Variants in PRKACB observed in about 807,000 individuals in gnomAD.
PRKACB encodes the protein cAMP-dependent protein kinase catalytic subunit beta.
PRKACB carries 16 observed loss-of-function variants against 51.4 expected under a neutral mutation model. The ratio of observed to expected loss-of-function variants is 0.31; its 90% CI spans 0.21 to 0.47. The LOEUF (loss-of-function observed/expected upper bound fraction) is 0.47. PRKACB is among the 20% of genes least tolerant of loss of function. The probability of loss-of-function intolerance (pLI) is 1.00; values close to 1 mark genes in which losing one functional copy is unlikely to be tolerated. For missense variants in PRKACB, 309 were observed against 464.5 expected, an observed-to-expected ratio of 0.67 and a Z score of 3.08; for synonymous variants, 147 against 154.4, an observed-to-expected ratio of 0.95 and a Z score of 0.35.
intron 1 of PRKACB, chr1:84,164,981 A>G: frequency 6.5e-7 from 1 of 1,546,036 alleles, no homozygotes; most frequent in Non-Finnish European, 8.7e-7. Context: ...TTTGAGCAAT[A>G]TGTTTTGGAA....
intron 1 of PRKACB, among the ~76,000 whole-genome samples, chr1:84,091,784 C>T (rs1342116854): frequency 2.6e-5 from 4 of 152,072 alleles, no homozygotes; most frequent in East Asian, 1.9e-4. Flanking sequence ...GGATTACAGG[C>T]GTAAGCCACC....
At chr1:84,132,091 G>C (rs1036424948) in intron 1 of PRKACB, among the ~76,000 whole-genome samples, 1 of 152,140 alleles carries the variant, frequency 6.6e-6, no homozygotes, top group East Asian at 1.9e-4. Context: ...GTCGGTTTCA[G>C]TGGGGGAAAA....
chr1:84,182,502 T>C (rs1663831357), intron 3 of PRKACB, among the ~76,000 whole-genome samples, 174 bp downstream of exon 3: 1 of 152,044 alleles, frequency 6.6e-6, no homozygotes, highest in African/African-American at 2.4e-5. Flanking sequence ...ATAGTTAGTA[T>C]ACAGTCAGCC....
intron 1 of PRKACB, among the ~76,000 whole-genome samples, chr1:84,122,906 T>G (rs1651208446): frequency 6.6e-6 from 1 of 152,202 alleles, no homozygotes; most frequent in Non-Finnish European, 1.5e-5. Flanking sequence ...CTTGTGTTTA[T>G]CTTATATTGC....
intron 1 of PRKACB, among the ~76,000 whole-genome samples, chr1:84,132,296 A>G (rs1213100967): frequency 6.6e-6 from 1 of 152,158 alleles, no homozygotes; most frequent in Non-Finnish European, 1.5e-5. Flanking sequence ...TTTCTGAGGA[A>G]TAGTACTGAG....
chr1:84,222,589 C>G (rs537834822), intron 9 of PRKACB, among the ~76,000 whole-genome samples: 1 of 152,032 alleles, frequency 6.6e-6, no homozygotes, highest in African/African-American at 2.4e-5. Flanking sequence ...TATGTGTCTG[C>G]CCTACCAGTG....
At chr1:84,128,167 C>T (rs1651821722) in intron 1 of PRKACB, among the ~76,000 whole-genome samples, 1 of 151,402 alleles carries the variant, frequency 6.6e-6, no homozygotes, top group South Asian at 2.1e-4. Flanking sequence ...CACCACCACG[C>T]CCAGCTAATT....
chr1:84,194,364 C>T (rs560107154), intron 5 of PRKACB, among the ~76,000 whole-genome samples: 1 of 152,298 alleles, frequency 6.6e-6, no homozygotes, highest in South Asian at 2.1e-4. Flanking sequence ...TGCCTTATCT[C>T]ATCTTTCACA....
chr1:84,095,419 A>C (rs933680928), intron 1 of PRKACB, among the ~76,000 whole-genome samples: 1 of 151,840 alleles, frequency 6.6e-6, no homozygotes, highest in African/African-American at 2.4e-5. Context: ...TAAGTATGGA[A>C]TTTTAGGTTG....
intron 7 of PRKACB, among the ~76,000 whole-genome samples, chr1:84,200,775 T>C (rs1431468708): frequency 6.6e-6 from 1 of 152,170 alleles, no homozygotes; most frequent in Non-Finnish European, 1.5e-5. Flanking sequence ...GTCAGCTTTG[T>C]CAAAGATCGG....
intron 5 of PRKACB, among the ~76,000 whole-genome samples, chr1:84,187,725 A>G (rs766075893): frequency 3.9e-5 from 6 of 152,152 alleles, no homozygotes; most frequent in Non-Finnish European, 8.8e-5. Flanking sequence ...ACAGTCTAAT[A>G]ACAGGTATAT....
chr1:84,181,767 T>G (rs1268926225), intron 2 of PRKACB: 2 of 1,391,550 alleles, frequency 1.4e-6, no homozygotes, highest in Non-Finnish European at 1.9e-6. Context: ...TCAGTTTATC[T>G]ATTCATTACA....
rs1676604514 is a variant in PRKACB at position 84,235,700 on chromosome 1, G to A, written c.*395G>A. On this transcript the variant is annotated 3_prime_UTR_variant, in exon 10 of 10. Coordinates refer to ENST00000370685, the MANE Select transcript of PRKACB (RefSeq NM_182948.4). Reference sequence around the variant, plus strand: ...GGAAGGATAAGTGTTGCTTTCAGTAGTTATTGCCAATATTGTTGTTGGTCA... The same window carrying A: ...GGAAGGATAAGTGTTGCTTTCAGTAATTATTGCCAATATTGTTGTTGGTCA... 1.3e-5 allele frequency: 2 copies of A among 156,952 alleles called. No individual in the cohort carries two copies. The highest frequency in any genetic ancestry group is 2.8e-5 in the Non-Finnish European group (2 of 71,180). 9.7% of individuals were successfully genotyped at this position (156,952 alleles called of 1,614,324 possible).
chr1:84,185,330 A>G, intron 5 of PRKACB, 148 bp downstream of exon 5: 1 of 482,748 alleles, frequency 2.1e-6, no homozygotes, highest in Non-Finnish European at 3.6e-6. Context: ...AGGCCACATC[A>G]TACACAAGTT....
intron 1 of PRKACB, among the ~76,000 whole-genome samples, chr1:84,112,001 A>G (rs181996828): frequency 2.0e-5 from 3 of 152,270 alleles, no homozygotes; most frequent in Non-Finnish European, 4.4e-5. Flanking sequence ...AATAATTACA[A>G]CTGTGTACTT....
In PRKACB at chr1:84,174,326, A is replaced by G. The variant is rs74475618; in HGVS notation, c.188-4851A>G. Among the ~76,000 whole-genome samples the G allele has an allele frequency of 3.2e-3, 482 of 151,930 alleles. 2 individuals are homozygous for G. The highest frequency in any genetic ancestry group is 0.011 in the African/African-American group (462 of 41,498). ...CTGCCAGAGGAATTCTTATCTTTCA[A>G]GATTCAGCACAAATGCTGTATTCTC... On this transcript the variant is annotated intron_variant, in intron 1 of 9. Coordinates refer to ENST00000370685, the MANE Select transcript of PRKACB (RefSeq NM_182948.4).
intron 1 of PRKACB, among the ~76,000 whole-genome samples, chr1:84,115,378 T>C (rs1650548626): frequency 1.3e-5 from 2 of 152,098 alleles, no homozygotes; most frequent in South Asian, 4.1e-4. Flanking sequence ...GGGATTATGT[T>C]TTTCCTATTA....
At chr1:84,158,919 A>G (rs998712003) in intron 1 of PRKACB, among the ~76,000 whole-genome samples, 4 of 152,108 alleles carry the variant, frequency 2.6e-5, no homozygotes, top group Admixed American at 6.6e-5. Context: ...TTATCTTGGC[A>G]TCTTTCTCAA....
intron 1 of PRKACB, among the ~76,000 whole-genome samples, chr1:84,093,124 A>C (rs1648628272): frequency 6.6e-6 from 1 of 151,806 alleles, no homozygotes; most frequent in African/African-American, 2.4e-5. Context: ...TTCCTTTATG[A>C]TTTGTGTTTT....
Sources: gnomAD v4.1 joint callset for allele counts (sites outside exome capture counted in the v4.1 genomes callset) on GRCh38, gnomAD v4.1.1 for gene constraint, MANE v1.5 for transcripts, NCBI Gene and HGNC (gene_info 2026-07-23, HGNC 2026-07-21) for gene names.